AGBL1: variants seen among roughly 807,000 people sequenced by gnomAD.
AGBL1 encodes the protein AGBL carboxypeptidase 1, also known as cytosolic carboxypeptidase 4.
In AGBL1, 130 loss-of-function variants were observed where a neutral mutation model predicts 118.9. The ratio of observed to expected loss-of-function variants is 1.09; its 90% CI spans 0.95 to 1.26. The LOEUF is 1.26. Among genes scored for constraint, AGBL1 ranks in the 50% most tolerant of loss-of-function variants. The probability of loss-of-function intolerance (pLI) is 0.00; values close to 1 mark genes in which losing one functional copy is unlikely to be tolerated. For missense variants in AGBL1, 1,584 were observed against 1,298.1 expected (o/e 1.22, Z -3.38); for synonymous variants, 555 against 478.9 (o/e 1.16, Z -2.08).
At chr15:86,572,691 A>C (rs1198145266) in intron 21 of AGBL1, among the ~76,000 whole-genome samples, 2 of 152,190 alleles carry the variant, frequency 1.3e-5, no homozygotes, top group African/African-American at 4.8e-5. Context: ...GGTACAGGGC[A>C]CAGGAGTCCG....
chr15:86,895,846 C>T (rs2080118456), intron 22 of AGBL1, among the ~76,000 whole-genome samples: 1 of 151,808 alleles, frequency 6.6e-6, no homozygotes, highest in Non-Finnish European at 1.5e-5. Context: ...AAGATTTGCC[C>T]TGCTTTATTG....
chr15:86,338,012 T>A (rs1331691680), intron 17 of AGBL1, among the ~76,000 whole-genome samples: 2 of 152,286 alleles, frequency 1.3e-5, no homozygotes, highest in Non-Finnish European at 1.5e-5. Flanking sequence ...GCAAAAAAGA[T>A]AAGGTCTTGC....
intron 21 of AGBL1, among the ~76,000 whole-genome samples, chr15:86,599,413 A>G (rs1016809272): frequency 6.6e-6 from 1 of 151,994 alleles, no homozygotes; most frequent in African/African-American, 2.4e-5. Flanking sequence ...AATTGTCTCT[A>G]TATTTATGCT....
At chr15:86,303,773 A>G (rs1439577032) in intron 17 of AGBL1, among the ~76,000 whole-genome samples, 1 of 152,180 alleles carries the variant, frequency 6.6e-6, no homozygotes, top group Non-Finnish European at 1.5e-5. Flanking sequence ...CTATTCTACA[A>G]ATTTGTTCAT....
At chr15:86,231,983 C>T (rs1597594973) in intron 6 of AGBL1, among the ~76,000 whole-genome samples, 1 of 152,166 alleles carries the variant, frequency 6.6e-6, no homozygotes, top group African/African-American at 2.4e-5. Flanking sequence ...CAGCACACCA[C>T]CATGGCTGTG....
At chr15:86,767,005 A>C (rs2078105799) in intron 22 of AGBL1, among the ~76,000 whole-genome samples, 1 of 151,982 alleles carries the variant, frequency 6.6e-6, no homozygotes, top group South Asian at 2.1e-4. Flanking sequence ...ATTAAAATTT[A>C]AGTAGGAAAT....
At chr15:86,188,540 T>C (rs1387655030) in intron 5 of AGBL1, among the ~76,000 whole-genome samples, 1 of 152,172 alleles carries the variant, frequency 6.6e-6, no homozygotes, top group Admixed American at 6.6e-5. Context: ...CTAAAGGAAA[T>C]AAAAAGATAT....
intron 17 of AGBL1, among the ~76,000 whole-genome samples, chr15:86,358,565 A>C (rs1252066239): frequency 6.6e-6 from 1 of 151,958 alleles, no homozygotes; most frequent in African/African-American, 2.4e-5. Context: ...TTGCTGAATT[A>C]TGTGGTAGTT....
intron 17 of AGBL1, among the ~76,000 whole-genome samples, chr15:86,303,673 C>T (rs976166607): frequency 4.6e-5 from 7 of 152,040 alleles, no homozygotes; most frequent in Non-Finnish European, 8.8e-5. Context: ...ACCTAATTTT[C>T]TCAATCAGCA....
chr15:86,864,494 G>C (rs1381860372), intron 22 of AGBL1, among the ~76,000 whole-genome samples: 1 of 152,154 alleles, frequency 6.6e-6, no homozygotes, highest in Non-Finnish European at 1.5e-5. Flanking sequence ...TGGATATGCA[G>C]AGTTGAAGCA....
chr15:86,679,836 T>C (rs554050973), intron 22 of AGBL1, among the ~76,000 whole-genome samples: 9 of 152,294 alleles, frequency 5.9e-5, no homozygotes, highest in African/African-American at 1.7e-4. Context: ...TAAAATCTTA[T>C]AGATTTTCTA....
chr15:86,329,848 T>C (rs988956733), intron 17 of AGBL1, among the ~76,000 whole-genome samples: 2 of 152,132 alleles, frequency 1.3e-5, no homozygotes, highest in African/African-American at 2.4e-5. Context: ...CCACTTTTCC[T>C]GTGCAGAGAT....
intron 23 of AGBL1, among the ~76,000 whole-genome samples, chr15:86,975,867 T>C (rs2081171994): frequency 6.6e-6 from 1 of 152,148 alleles, no homozygotes. Context: ...ATGTTTGAAA[T>C]CATGGAATTT....
At chr15:86,744,254 C>T (rs1459675218) in intron 22 of AGBL1, among the ~76,000 whole-genome samples, 2 of 152,100 alleles carry the variant, frequency 1.3e-5, no homozygotes, top group East Asian at 3.9e-4. Flanking sequence ...ACTAAGGATG[C>T]TAGCTGACGA....
intron 21 of AGBL1, chr15:86,556,289 T>C (rs1406769659): frequency 7.5e-6 from 12 of 1,610,094 alleles, no homozygotes; most frequent in Middle Eastern, 1.7e-4. Context: ...CCTTCAGGTA[T>C]TGGAGCAGCA....
intron 21 of AGBL1, among the ~76,000 whole-genome samples, chr15:86,621,862 C>A (rs2084810811): frequency 6.6e-6 from 1 of 152,144 alleles, no homozygotes; most frequent in Admixed American, 6.5e-5. Context: ...AATATTAATT[C>A]CCTTTTCCAA....
intron 18 of AGBL1, among the ~76,000 whole-genome samples, chr15:86,489,596 C>T (rs1417161682): frequency 1.3e-5 from 2 of 152,038 alleles, no homozygotes; most frequent in African/African-American, 4.8e-5. Flanking sequence ...AAACTGTGGC[C>T]CACGAACCAA....
intron 21 of AGBL1, among the ~76,000 whole-genome samples, chr15:86,625,365 G>C (rs2255769): frequency 0.54 from 65,538 of 122,386 alleles, 22,379 homozygotes; most frequent in East Asian, 0.8. Flanking sequence ...AGAAATTAGC[G>C]TTTTTTTTTT....
chr15:86,466,617 C>G (rs1347751621), intron 18 of AGBL1, among the ~76,000 whole-genome samples: 2 of 152,218 alleles, frequency 1.3e-5, no homozygotes, highest in Non-Finnish European at 2.9e-5. Context: ...GATTTTTCCT[C>G]ATTGTCATGG....
Sources: allele counts gnomAD v4.1 joint callset (sites outside exome capture counted in the v4.1 genomes callset), GRCh38; gene constraint gnomAD v4.1.1; transcripts MANE v1.5; gene names NCBI Gene and HGNC (gene_info 2026-07-23, HGNC 2026-07-21).